Variants in DPYSL5 observed in about 807,000 individuals in gnomAD.
DPYSL5 encodes the protein dihydropyrimidinase like 5, also known as dihydropyrimidinase-related protein 5.
DPYSL5 carries 9 observed loss-of-function variants against 58.4 expected under a neutral mutation model. The ratio of observed to expected loss-of-function variants is 0.15; its 90% CI spans 0.09 to 0.27. DPYSL5 has a LOEUF of 0.27. Ranked by LOEUF, DPYSL5 falls within the 10% of genes least tolerant of loss-of-function variation. The pLI is 1.00. For missense variants in DPYSL5, 499 were observed against 770.6 expected (o/e 0.65, Z 4.17); for synonymous variants, 293 against 301.9 (o/e 0.97, Z 0.31).
intron 12 of DPYSL5, among the ~76,000 whole-genome samples, chr2:26,946,461 T>C (rs531630732): frequency 6.6e-4 from 101 of 152,080 alleles, no homozygotes; most frequent in African/African-American, 2.4e-3. Flanking sequence ...CCTTTGTAAC[T>C]AAGTCATGGG....
intron 1 of DPYSL5, among the ~76,000 whole-genome samples, chr2:26,869,871 C>T (rs1041990542): frequency 1.3e-5 from 2 of 152,024 alleles, no homozygotes; most frequent in Non-Finnish European, 2.9e-5. Context: ...ATCAGCCGGG[C>T]GTGGTCACAG....
rs1463425403 is a variant in DPYSL5 at position 26,849,197 on chromosome 2, G to A, written c.-5+943G>A. 1.3e-5 allele frequency among the ~76,000 whole-genome samples: 2 copies of A among 151,880 alleles called. No homozygotes were observed. The highest frequency in any genetic ancestry group is 1.5e-5 in the Non-Finnish European group (1 of 67,910). The stretch of plus-strand genomic sequence containing the variant: ...AAGGAGCTCGGTGCAGGTGGCGCCC[G>A]GCGAGGCTGGTTCTGCTGAAGAATG... On this transcript the variant is annotated intron_variant, in intron 1 of 12. Transcript: ENST00000288699. This position sits in a 1 kb window ranked among gnomAD's most constrained non-coding sequence, Gnocchi z 6.2.
At chr2:26,871,912 G>T (rs1402724354) in intron 1 of DPYSL5, among the ~76,000 whole-genome samples, 1 of 152,046 alleles carries the variant, frequency 6.6e-6, no homozygotes, top group Admixed American at 6.6e-5. Flanking sequence ...TACAATGAAA[G>T]CCAACAGTAT....
intron 1 of DPYSL5, among the ~76,000 whole-genome samples, chr2:26,858,119 C>A (rs1665923042): frequency 6.6e-6 from 1 of 151,698 alleles, no homozygotes; most frequent in Non-Finnish European, 1.5e-5. Flanking sequence ...TGTGGTCTGC[C>A]ATGTTTGGTA....
In DPYSL5 at chr2:26,942,200, A is replaced by G; in HGVS notation, c.1232+108A>G. The G allele has an allele frequency of 6.6e-7, 1 of 1,514,160 alleles. No homozygotes were observed. Among genetic ancestry groups the G allele is most frequent in the Non-Finnish European group, 8.9e-7 (1 of 1,120,086 alleles). 93.8% of individuals were successfully genotyped at this position (1,514,160 alleles called of 1,614,324 possible). ...AATTTTGCACTATTTCTAGCACAAAATATGGCCCTGGCCTACCGTTGGCCA... is the reference window on the plus strand; with the variant it reads ...AATTTTGCACTATTTCTAGCACAAAGTATGGCCCTGGCCTACCGTTGGCCA... On this transcript the variant is annotated intron_variant, in intron 10 of 12. Transcript: ENST00000288699. This position sits in a 1 kb window ranked among gnomAD's most constrained non-coding sequence, Gnocchi z 5.9.
intron 1 of DPYSL5, among the ~76,000 whole-genome samples, chr2:26,859,474 C>T (rs1665959597): frequency 6.6e-6 from 1 of 152,042 alleles, no homozygotes; most frequent in African/African-American, 2.4e-5. Context: ...GGACCAACTT[C>T]ACAAAGTTTC....
At chr2:26,928,345 C>T in intron 5 of DPYSL5, 22 bp downstream of exon 5, 1 of 1,612,580 alleles carries the variant, frequency 6.2e-7, no homozygotes, top group Non-Finnish European at 8.5e-7. Context: ...TTCCTGTAGC[C>T]TTTGTCAGCG....
At position 26,898,447 on chromosome 2, in the gene DPYSL5, GA is replaced by G. The variant is rs1392637715; in HGVS notation, c.-4-46del. ...CTTTGATAGGAGGGATGGGAAACTG[GA>G]AACAGTGAGAAGGGACTTTGACCTT... On this transcript the variant is annotated intron_variant, in intron 1 of 12. Transcript: ENST00000288699. This position sits in a 1 kb window ranked among gnomAD's most constrained non-coding sequence, Gnocchi z 6.1. The G allele has an allele frequency of 6.3e-7, 1 of 1,588,364 alleles. No individual in the cohort carries two copies. Among genetic ancestry groups the G allele is most frequent in the Non-Finnish European group, 8.6e-7 (1 of 1,164,038 alleles).
At chr2:26,932,195 G>GAAAGAAAGA (rs1665041902) in intron 6 of DPYSL5, among the ~76,000 whole-genome samples, 1 of 78,368 alleles carries the variant, frequency 1.3e-5, no homozygotes, top group Non-Finnish European at 2.8e-5. Context: ...AAGAAAGAAA[G>GAAAGAAAGA]AAAGAAAGAA....
intron 3 of DPYSL5, among the ~76,000 whole-genome samples, chr2:26,926,597 C>A (rs1049405217): frequency 6.6e-6 from 1 of 152,172 alleles, no homozygotes; most frequent in East Asian, 1.9e-4. Context: ...TCTTTCTTTC[C>A]CATCTTTTTT....
chr2:26,928,740 C>T lies in DPYSL5; in HGVS notation c.669+417C>T, dbSNP rs1458200049. 2.5e-4 allele frequency among the ~76,000 whole-genome samples: 7 copies of T among 27,914 alleles called. 1 individual carries two copies. Among genetic ancestry groups the T allele is most frequent in the African/African-American group, 6.3e-4 (5 of 7,910 alleles). The allele number at this position is 27,914 out of a possible 152,430, so 18.3% of individuals were successfully genotyped here. On this transcript the variant is annotated intron_variant, in intron 5 of 12. Transcript: ENST00000288699. ...ACATACATATATATACGCACACACA[C>T]GCACACACATACGTGTGTGCGTGTG...
In DPYSL5 at chr2:26,905,369, G is replaced by A. The variant is rs1664261473; in HGVS notation, c.261+6609G>A. 6.6e-6 allele frequency among the ~76,000 whole-genome samples: 1 copy of A among 152,192 alleles called. No homozygotes were observed. The highest frequency in any genetic ancestry group is 6.5e-5 in the Admixed American group (1 of 15,288). On this transcript the variant is annotated intron_variant, in intron 2 of 12. Coordinates refer to ENST00000288699, the MANE Select transcript of DPYSL5 (RefSeq NM_020134.4). The surrounding 1 kb of genome is among the most constrained non-coding windows in gnomAD (Gnocchi z 4.0). Reference sequence around the variant, plus strand: ...TACAATAAATGCTAGTCCCCAGGCTGGGACTACCTGCTTCCACCCCAGGCT... The same window carrying A: ...TACAATAAATGCTAGTCCCCAGGCTAGGACTACCTGCTTCCACCCCAGGCT...
At chr2:26,932,188 A>T (rs1238474599) in intron 6 of DPYSL5, among the ~76,000 whole-genome samples, 2 of 80,376 alleles carry the variant, frequency 2.5e-5, no homozygotes, top group South Asian at 9.5e-4. Flanking sequence ...AGAAAGAAAG[A>T]AAGAAAGAAA....
At chr2:26,941,516 G>A (rs1242544855) in intron 9 of DPYSL5, among the ~76,000 whole-genome samples, 3 of 152,222 alleles carry the variant, frequency 2.0e-5, no homozygotes, top group Non-Finnish European at 4.4e-5. Flanking sequence ...CAAGGAGATG[G>A]CTCAGGAAAT....
intron 1 of DPYSL5, among the ~76,000 whole-genome samples, chr2:26,863,752 T>G (rs190131670): frequency 1.4e-4 from 22 of 152,326 alleles, no homozygotes; most frequent in Non-Finnish European, 2.5e-4. Context: ...CTCCAGCCCC[T>G]GGCAACCACT....
At position 26,927,647 on chromosome 2, in the gene DPYSL5, A is replaced by T. The variant is rs940944370; in HGVS notation, c.600+215A>T. On this transcript the variant is annotated intron_variant, in intron 4 of 12. Coordinates refer to ENST00000288699, the MANE Select transcript of DPYSL5 (RefSeq NM_020134.4). This position sits in a 1 kb window ranked among gnomAD's most constrained non-coding sequence, Gnocchi z 4.3. Reference sequence around the variant, plus strand: ...ACAAATCTCTTTTTATGGTTCAAAAAGGCTTCTAAGTCGTAGGTGATGATG... The same window carrying T: ...ACAAATCTCTTTTTATGGTTCAAAATGGCTTCTAAGTCGTAGGTGATGATG... Among the ~76,000 whole-genome samples, 2 of 152,260 alleles carry T rather than the reference A, an allele frequency of 1.3e-5. No individual in the cohort carries two copies. The highest frequency in any genetic ancestry group is 4.8e-5 in the African/African-American group (2 of 41,470).
At chr2:26,892,759 G>GAGAGAA (rs1491020259) in intron 1 of DPYSL5, among the ~76,000 whole-genome samples, 3 of 62,432 alleles carry the variant, frequency 4.8e-5, no homozygotes, top group African/African-American at 3.7e-4. Flanking sequence ...GTTTGTTTGA[G>GAGAGAA]AGAGAGAGAG....
At position 26,924,925 on chromosome 2, in the gene DPYSL5, C is replaced by T. The variant is rs755779784; in HGVS notation, c.300C>T (p.His100=). The part of the protein sequence containing the change: ...LVGGTTMIIG[H]VLPDKETSLV... ...GAGGCACCACCATGATCATCGGCCA[C>T]GTCCTGCCCGACAAGGAGACCTCCC... Residue 100 remains histidine, a synonymous_variant, in exon 3 of 13, where the codon CAC becomes CAT. Transcript: ENST00000288699. This position sits in a 1 kb window ranked among gnomAD's most constrained non-coding sequence, Gnocchi z 4.7. 7 of 1,614,036 alleles carry T rather than the reference C, an allele frequency of 4.3e-6. No homozygotes were observed. Among genetic ancestry groups the T allele is most frequent in the Middle Eastern group, 1.6e-4 (1 of 6,082 alleles).
intron 1 of DPYSL5, among the ~76,000 whole-genome samples, chr2:26,853,354 T>G (rs974089704): frequency 2.0e-5 from 3 of 152,144 alleles, no homozygotes; most frequent in African/African-American, 7.2e-5. Context: ...AAATACAGAA[T>G]TTTGTGCAAC....
Sources: gnomAD v4.1 joint callset for allele counts (sites outside exome capture counted in the v4.1 genomes callset) on GRCh38, gnomAD v4.1.1 for gene constraint, Gnocchi (gnomAD v3.1) non-coding constraint, MANE v1.5 for transcripts, NCBI Gene and HGNC (gene_info 2026-07-23, HGNC 2026-07-21) for gene names.